Variants in TTLL1 observed in about 807,000 individuals in gnomAD.
TTLL1 encodes the protein polyglutamylase complex subunit TTLL1.
A neutral mutation model predicts 47.8 loss-of-function variants in TTLL1; 33 were observed. The observed-to-expected ratio is 0.69, with a 90% CI of 0.52 to 0.92. TTLL1 has a LOEUF of 0.92. Ranked by LOEUF, TTLL1 falls within the 40% of genes least tolerant of loss-of-function variation. The pLI is 0.00. For synonymous variants in TTLL1, 225 were observed against 214.1 expected (o/e 1.05, Z -0.45); for missense variants, 488 against 547.5 (o/e 0.89, Z 1.08).
intron 8 of TTLL1, among the ~76,000 whole-genome samples, chr22:43,054,233 A>G (rs779055335): frequency 7.2e-5 from 11 of 152,304 alleles, no homozygotes; most frequent in Non-Finnish European, 1.6e-4. Flanking sequence ...CTTCAGTGGG[A>G]CAAGAGATGG....
chr22:43,068,589 G>A lies in TTLL1; in HGVS notation c.324C>T (p.Asp108=). 1 of 1,480,754 alleles carries A rather than the reference G, an allele frequency of 6.8e-7. No homozygotes were observed. The highest frequency in any genetic ancestry group is 9.1e-7 in the Non-Finnish European group (1 of 1,096,674). 91.7% of individuals were successfully genotyped at this position (1,480,754 alleles called of 1,614,324 possible). A position where few individuals can be genotyped will look rare whatever the true frequency, so the allele number is the denominator to read the frequency against. Residue 108 remains aspartate, a splice_region_variant and synonymous_variant, in exon 5 of 11, where the codon GAC becomes GAT. Coordinates refer to ENST00000266254, the MANE Select transcript of TTLL1 (RefSeq NM_012263.5). ...KDENGKYLYL[D]FVPVTYMLPA... is the part of the protein sequence containing the mutation. ...GCAGCATATAGGTGACTGGAACAAAGTCTGCAAGGCAAAGACACCCAGCAC... is the reference window on the plus strand; with the variant it reads ...GCAGCATATAGGTGACTGGAACAAAATCTGCAAGGCAAAGACACCCAGCAC...
At chr22:43,088,824 T>G (rs1205561212) in intron 1 of TTLL1, among the ~76,000 whole-genome samples, 3 of 152,026 alleles carry the variant, frequency 2.0e-5, no homozygotes, top group Non-Finnish European at 4.4e-5. Context: ...TACCCCGCCC[T>G]GCCCTCTTAG....
intron 4 of TTLL1, among the ~76,000 whole-genome samples, chr22:43,068,845 T>C (rs1006540875): frequency 6.6e-6 from 1 of 152,150 alleles, no homozygotes; most frequent in African/African-American, 2.4e-5. Flanking sequence ...CTGTAAACCC[T>C]GTAATAATTC....
At chr22:43,046,353 T>C (rs1569411968) in intron 10 of TTLL1, 57 bp downstream of exon 10, 4 of 1,596,758 alleles carry the variant, frequency 2.5e-6, no homozygotes, top group Non-Finnish European at 3.4e-6. Flanking sequence ...AGCTGGGCTA[T>C]GGCACACGCC....
At chr22:43,080,622 G>A (rs569900354) in intron 1 of TTLL1, among the ~76,000 whole-genome samples, 1 of 152,000 alleles carries the variant, frequency 6.6e-6, no homozygotes, top group South Asian at 2.1e-4. Context: ...AAGCCTGTGT[G>A]CACCCTGTGC....
intron 8 of TTLL1, among the ~76,000 whole-genome samples, chr22:43,054,344 T>C (rs1980457): frequency 0.95 from 144,729 of 152,334 alleles, 68,804 homozygotes; most frequent in East Asian, 1. Context: ...ACCCACACAC[T>C]GTGCTCACGC....
chr22:43,076,063 C>G (rs545029863), intron 2 of TTLL1, among the ~76,000 whole-genome samples: 1 of 152,208 alleles, frequency 6.6e-6, no homozygotes, highest in Non-Finnish European at 1.5e-5. Context: ...GGCCGACTTC[C>G]GATGGGTGAG....
chr22:43,068,077 G>A (rs1021954755), intron 5 of TTLL1, among the ~76,000 whole-genome samples: 1 of 149,060 alleles, frequency 6.7e-6, no homozygotes, highest in Non-Finnish European at 1.5e-5. Flanking sequence ...GCCTCCCAAA[G>A]GGCTGAGATT....
At chr22:43,042,832 C>T (rs970528090) in intron 10 of TTLL1, among the ~76,000 whole-genome samples, 6 of 152,156 alleles carry the variant, frequency 3.9e-5, no homozygotes, top group Non-Finnish European at 8.8e-5. Context: ...CAAGAGCCTT[C>T]CATTACTCCT....
At chr22:43,069,391 C>CA (rs1303585838) in intron 4 of TTLL1, among the ~76,000 whole-genome samples, 5,519 of 59,732 alleles carry the variant, frequency 0.092, 429 homozygotes, top group East Asian at 0.2. Context: ...GATTCTGTCT[C>CA]AAAAAAAAAA....
In TTLL1 at chr22:43,068,582, G is replaced by C. The variant is rs1334837694; in HGVS notation, c.331C>G (p.Pro111Ala). The change falls in exon 5 of 11, where the codon CCA (proline) becomes GCA (alanine). Residue 111 changes from proline to alanine, a missense_variant. Coordinates refer to ENST00000266254, the MANE Select transcript of TTLL1 (RefSeq NM_012263.5). ...NGKYLYLDFVPVTYMLPADYN... is the reference protein window; with the variant it reads ...NGKYLYLDFVAVTYMLPADYN... The stretch of plus-strand genomic sequence containing the variant: ...TCAGCGGGCAGCATATAGGTGACTG[G>C]AACAAAGTCTGCAAGGCAAAGACAC... 2.0e-6 allele frequency: 3 copies of C among 1,484,786 alleles called. No individual in the cohort carries two copies. The highest frequency in any genetic ancestry group is 2.7e-6 in the Non-Finnish European group (3 of 1,098,782). The allele number at this position is 1,484,786 out of a possible 1,614,324, so 92.0% of individuals were successfully genotyped here.
At chr22:43,070,265 GTTAT>G (rs889774442) in intron 3 of TTLL1, 7 of 1,218,392 alleles carry the variant, frequency 5.7e-6, no homozygotes, top group Admixed American at 4.6e-5. Context: ...AATCACAGGG[GTTAT>G]TTAAGGGCCC....
At chr22:43,056,462 CTT>C (rs1052016247) in intron 8 of TTLL1, among the ~76,000 whole-genome samples, 59 of 103,692 alleles carry the variant, frequency 5.7e-4, no homozygotes, top group African/African-American at 1.6e-3. Context: ...TTCTTCTTGT[CTT>C]TTTTTTTTTT....
chr22:43,043,595 G>C (rs2146956586), intron 10 of TTLL1, among the ~76,000 whole-genome samples: 1 of 152,020 alleles, frequency 6.6e-6, no homozygotes, highest in South Asian at 2.1e-4. Context: ...GTGGGCTCCG[G>C]AACTCTCTGC....
intron 1 of TTLL1, among the ~76,000 whole-genome samples, chr22:43,080,558 T>G (rs1928808823): frequency 6.6e-6 from 1 of 151,260 alleles, no homozygotes; most frequent in African/African-American, 2.5e-5. Flanking sequence ...CACCCCTCAC[T>G]CCAGCTGAGC....
rs777841641 is a variant in TTLL1, at chr22:43,039,919, C to G, written c.1143-14G>C. 6.2e-7 allele frequency: 1 copy of G among 1,611,710 alleles called. No homozygotes were observed. The highest frequency in any genetic ancestry group is 1.1e-5 in the South Asian group (1 of 90,950). On this transcript the variant is annotated splice_polypyrimidine_tract_variant and intron_variant, in intron 10 of 10. Coordinates refer to ENST00000266254, the MANE Select transcript of TTLL1 (RefSeq NM_012263.5). Reference sequence around the variant, plus strand: ...TCTTCATCATACCTGGAGACAGAAACAGCCAGGATCACGGCAGGCTCTCTT... The same window carrying G: ...TCTTCATCATACCTGGAGACAGAAAGAGCCAGGATCACGGCAGGCTCTCTT...
intron 8 of TTLL1, among the ~76,000 whole-genome samples, chr22:43,054,158 G>C (rs541495698): frequency 6.6e-6 from 1 of 152,276 alleles, no homozygotes; most frequent in South Asian, 2.1e-4. Flanking sequence ...CATGGAATCA[G>C]ATCTGAACTC....
At chr22:43,080,908 T>TTTTTTTTTG (rs1928839349) in intron 1 of TTLL1, among the ~76,000 whole-genome samples, 1 of 50,814 alleles carries the variant, frequency 2.0e-5, no homozygotes, top group African/African-American at 1.1e-4. Flanking sequence ...ATGACTTTTT[T>TTTTTTTTTG]TTTTTTTTTT....
intron 9 of TTLL1, among the ~76,000 whole-genome samples, chr22:43,049,230 A>G (rs1224732677): frequency 6.6e-6 from 1 of 151,980 alleles, no homozygotes; most frequent in Non-Finnish European, 1.5e-5. Flanking sequence ...GGAGTTCAAA[A>G]CCAGCTTGGG....
Sources: gnomAD v4.1 joint callset for allele counts (sites outside exome capture counted in the v4.1 genomes callset) on GRCh38, gnomAD v4.1.1 for gene constraint, MANE v1.5 for transcripts, NCBI Gene and HGNC (gene_info 2026-07-23, HGNC 2026-07-21) for gene names.